The following CDH9 variants were observed in gnomAD, a reference collection of about 807,000 sequenced individuals.
The protein encoded by CDH9 is cadherin 9, also known as cadherin-9.
Under a neutral mutation model 70.9 loss-of-function variants are expected in CDH9, and 28 were observed. The ratio of observed to expected loss-of-function variants is 0.40; its 90% confidence interval spans 0.29 to 0.54. CDH9 has a LOEUF of 0.54. Ranked by LOEUF, CDH9 falls within the 20% of genes least tolerant of loss-of-function variation. The probability of loss-of-function intolerance (pLI) is 0.59; values close to 1 mark genes in which losing one functional copy is unlikely to be tolerated. For synonymous variants in CDH9, 409 were observed against 343.1 expected (o/e 1.19, Z -2.12); for missense variants, 874 against 984.4 (o/e 0.89, Z 1.50).
At chr5:26,896,029 A>G (rs562075947) in intron 7 of CDH9, among the ~76,000 whole-genome samples, 48 of 152,164 alleles carry the variant, frequency 3.2e-4, no homozygotes, top group African/African-American at 1.0e-3. Flanking sequence ...GCAAATTGGC[A>G]GAATTGGTAG....
At chr5:27,011,564 G>C (rs943197709) in intron 1 of CDH9, among the ~76,000 whole-genome samples, 4 of 152,020 alleles carry the variant, frequency 2.6e-5, no homozygotes, top group Admixed American at 2.6e-4. Context: ...AACTGAGAGA[G>C]AACACATTTC....
chr5:26,897,061 A>C (rs1740764941), intron 7 of CDH9, among the ~76,000 whole-genome samples: 1 of 152,122 alleles, frequency 6.6e-6, no homozygotes, highest in Admixed American at 6.5e-5. Context: ...ATAAACTAAA[A>C]AAACTAGAAG....
At chr5:27,015,706 T>TAATATTATAACCATGCAC (rs1243216823) in intron 1 of CDH9, among the ~76,000 whole-genome samples, 1 of 151,792 alleles carries the variant, frequency 6.6e-6, no homozygotes, top group Non-Finnish European at 1.5e-5. Flanking sequence ...TTCTGCTGCA[T>TAATATTATAACCATGCAC]AATATTATAA....
intron 2 of CDH9, among the ~76,000 whole-genome samples, chr5:26,950,744 TA>T (rs1741830870): frequency 6.6e-6 from 1 of 152,142 alleles, no homozygotes; most frequent in African/African-American, 2.4e-5. Flanking sequence ...AAAATAATAT[TA>T]AAACAAATCT....
intron 1 of CDH9, among the ~76,000 whole-genome samples, chr5:27,013,438 A>T (rs1742991909): frequency 6.6e-6 from 1 of 151,772 alleles, no homozygotes; most frequent in Non-Finnish European, 1.5e-5. Flanking sequence ...TTCACAAACA[A>T]CCCTAGGTCT....
chr5:26,958,949 G>T (rs753180634), intron 2 of CDH9, among the ~76,000 whole-genome samples: 1 of 151,948 alleles, frequency 6.6e-6, no homozygotes, highest in Non-Finnish European at 1.5e-5. Context: ...CCTGAATTTG[G>T]CAATATATTC....
intron 3 of CDH9, among the ~76,000 whole-genome samples, chr5:26,909,729 T>C (rs904380362): frequency 6.6e-6 from 1 of 151,850 alleles, no homozygotes; most frequent in African/African-American, 2.4e-5. Context: ...ATAGAAAATA[T>C]GTTAAGGAAT....
chr5:26,959,800 A>T (rs1316340433), intron 2 of CDH9, among the ~76,000 whole-genome samples: 2 of 152,104 alleles, frequency 1.3e-5, no homozygotes, highest in African/African-American at 4.8e-5. Flanking sequence ...AAATAAATAC[A>T]AAATATCCAG....
intron 3 of CDH9, among the ~76,000 whole-genome samples, chr5:26,912,620 A>G: frequency 6.6e-6 from 1 of 151,912 alleles, no homozygotes; most frequent in East Asian, 1.9e-4. Context: ...ATTTAAAGTA[A>G]TAAATAAGAA....
intron 7 of CDH9, among the ~76,000 whole-genome samples, chr5:26,894,927 C>T (rs1217004384): frequency 6.6e-6 from 1 of 152,070 alleles, no homozygotes; most frequent in East Asian, 1.9e-4. Flanking sequence ...TCTCTTCCCA[C>T]AAAAGCTGAA....
chr5:26,947,297 A>G (rs1226556655), intron 2 of CDH9, among the ~76,000 whole-genome samples: 6 of 152,170 alleles, frequency 3.9e-5, no homozygotes, highest in Non-Finnish European at 8.8e-5. Context: ...CTAAATTTCT[A>G]TTCATAGAAA....
chr5:26,966,660 A>C (rs1285868275), intron 2 of CDH9, among the ~76,000 whole-genome samples: 2 of 152,296 alleles, frequency 1.3e-5, no homozygotes, highest in East Asian at 3.9e-4. Flanking sequence ...AGAGTTAACA[A>C]ACTCAATATT....
At chr5:27,001,333 T>A (rs937690817) in intron 1 of CDH9, among the ~76,000 whole-genome samples, 1 of 152,118 alleles carries the variant, frequency 6.6e-6, no homozygotes, top group African/African-American at 2.4e-5. Context: ...GGACTCTAGT[T>A]AATAAAGTTG....
At chr5:27,020,627 A>G (rs1272184811) in intron 1 of CDH9, among the ~76,000 whole-genome samples, 1 of 151,498 alleles carries the variant, frequency 6.6e-6, no homozygotes, top group Non-Finnish European at 1.5e-5. Flanking sequence ...AGAAAGTTGC[A>G]CAGACTTTTG....
rs950087907 is a variant in CDH9 at position 26,901,595 on chromosome 5, A to T, written c.1253+881T>A. On this transcript the variant is annotated intron_variant, in intron 7 of 11. Coordinates refer to ENST00000231021, the MANE Select transcript of CDH9 (RefSeq NM_016279.4). Reference sequence around the variant, plus strand: ...CATTTTCCCTAACTAATTAAATGTTAAGCAAAGTAGAATTTTAGATAATTT... The same window carrying T: ...CATTTTCCCTAACTAATTAAATGTTTAGCAAAGTAGAATTTTAGATAATTT... 2.6e-5 allele frequency among the ~76,000 whole-genome samples: 4 copies of T among 151,914 alleles called. No individual in the cohort carries two copies. The South Asian group carries it at 6.2e-4, about 24-fold the overall frequency.
intron 1 of CDH9, among the ~76,000 whole-genome samples, chr5:26,994,433 A>G (rs1742633530): frequency 6.6e-6 from 1 of 152,156 alleles, no homozygotes; most frequent in African/African-American, 2.4e-5. Flanking sequence ...CCAAGGTTAG[A>G]TTAGATCATG....
chr5:26,977,585 T>C (rs909465359), intron 2 of CDH9, among the ~76,000 whole-genome samples: 1 of 151,526 alleles, frequency 6.6e-6, no homozygotes, highest in Non-Finnish European at 1.5e-5. Context: ...AATTCTACAT[T>C]AATTTCTTTG....
intron 1 of CDH9, among the ~76,000 whole-genome samples, chr5:27,031,067 T>G (rs1743303052): frequency 6.6e-6 from 1 of 151,766 alleles, no homozygotes; most frequent in South Asian, 2.1e-4. Context: ...TTTCTCACCA[T>G]AAAGGTAATT....
chr5:26,963,602 G>A (rs1298275431), intron 2 of CDH9, among the ~76,000 whole-genome samples: 2 of 152,000 alleles, frequency 1.3e-5, no homozygotes, highest in Non-Finnish European at 2.9e-5. Context: ...TTCCGAGATA[G>A]AGAAACTTGG....
Sources: allele counts gnomAD v4.1 joint callset (sites outside exome capture counted in the v4.1 genomes callset), GRCh38; gene constraint gnomAD v4.1.1; transcripts MANE v1.5; gene names NCBI Gene and HGNC (gene_info 2026-07-23, HGNC 2026-07-21).